The following ATP8B1 variants were observed in gnomAD, a reference collection of about 807,000 sequenced individuals.
The protein encoded by ATP8B1 is ATPase phospholipid transporting 8B1.
ATP8B1 carries 80 observed loss-of-function variants against 149.9 expected under a neutral mutation model. The observed-to-expected ratio is 0.53, with a 90% CI of 0.45 to 0.64. The LOEUF (loss-of-function observed/expected upper bound fraction) is 0.64, where lower values mean the gene tolerates loss of function less well. ATP8B1 is among the 30% of genes least tolerant of loss of function. The pLI is 0.00. For missense variants in ATP8B1, 1,247 were observed against 1,552.6 expected (o/e 0.80, Z 3.31); for synonymous variants, 536 against 562.8 (o/e 0.95, Z 0.67).
chr18:57,744,662 G>C (rs1471886143), intron 1 of ATP8B1, among the ~76,000 whole-genome samples: 1 of 152,208 alleles, frequency 6.6e-6, no homozygotes, highest in Non-Finnish European at 1.5e-5. Context: ...AGGCTTTAAA[G>C]TTATATTCAT....
At chr18:57,688,757 G>A (rs1912385188) in intron 12 of ATP8B1, 1 of 494,986 alleles carries the variant, frequency 2.0e-6, no homozygotes, top group Non-Finnish European at 3.7e-6. Flanking sequence ...CCTTATTAAA[G>A]TGGCTCAAAG....
chr18:57,740,213 C>G (rs1054187149), intron 1 of ATP8B1, among the ~76,000 whole-genome samples: 1 of 152,026 alleles, frequency 6.6e-6, no homozygotes, highest in African/African-American at 2.4e-5. Context: ...GTCTCAGCCT[C>G]CTAAGATGCT....
rs115564481 is a variant in ATP8B1, at chr18:57,660,496, C to T, written c.2707+678G>A. 2.2e-3 allele frequency among the ~76,000 whole-genome samples: 331 copies of T among 152,276 alleles called. 2 individuals are homozygous for T. Among genetic ancestry groups the T allele is most frequent in the African/African-American group, 7.3e-3 (305 of 41,556 alleles). ...GTTCAATAATTTATGTCTTACAAAA[C>T]TTATTAAATATCAGGGTTTTTTGTT... is the stretch of plus-strand genomic sequence containing the variant. On this transcript the variant is annotated intron_variant, in intron 22 of 27. Coordinates refer to ENST00000648908, the MANE Select transcript of ATP8B1 (RefSeq NM_001374385.1).
chr18:57,755,128 ACCAG>A lies in ATP8B1; in HGVS notation c.-25-23300_-25-23297del, dbSNP rs143044452. 4.7e-3 allele frequency among the ~76,000 whole-genome samples: 717 copies of A among 152,320 alleles called. 26 individuals are homozygous for A. The East Asian group carries it at 0.11, about 23-fold the overall frequency. ...ATCTTGCCAATAAGAGACACATTAC[ACCAG>A]CCAGCCTAAAATAGTCTCAGGTTGT... On this transcript the variant is annotated intron_variant, in intron 1 of 27. Transcript: ENST00000648908.
At chr18:57,670,452 C>T (rs559867142) in intron 17 of ATP8B1, among the ~76,000 whole-genome samples, 3 of 149,820 alleles carry the variant, frequency 2.0e-5, no homozygotes, top group Non-Finnish European at 3.0e-5. Context: ...CCCTGGTTCA[C>T]GCCATTCTCC....
intron 2 of ATP8B1, among the ~76,000 whole-genome samples, chr18:57,710,036 G>A (rs1004720692): frequency 6.2e-5 from 9 of 145,192 alleles, no homozygotes; most frequent in African/African-American, 2.3e-4. Context: ...TCACTATGTT[G>A]CCCAGTGCCT....
chr18:57,666,421 A>G (rs988524261), intron 20 of ATP8B1, among the ~76,000 whole-genome samples: 3 of 150,774 alleles, frequency 2.0e-5, no homozygotes, highest in African/African-American at 7.3e-5. Flanking sequence ...CCTTTCTTCT[A>G]TTTCCCTTTC....
chr18:57,772,627 C>T (rs900379031), intron 1 of ATP8B1, among the ~76,000 whole-genome samples: 2 of 151,260 alleles, frequency 1.3e-5, no homozygotes, highest in African/African-American at 4.9e-5. Flanking sequence ...GAGTAAACAA[C>T]ACGTCCCGAC....
intron 1 of ATP8B1, among the ~76,000 whole-genome samples, chr18:57,762,886 C>G (rs1321047372): frequency 6.6e-6 from 1 of 152,094 alleles, no homozygotes; most frequent in Non-Finnish European, 1.5e-5. Context: ...CAGCCTTGAA[C>G]AATCTTTTAA....
At chr18:57,690,665 C>T (rs1373668070) in intron 12 of ATP8B1, among the ~76,000 whole-genome samples, 6 of 152,188 alleles carry the variant, frequency 3.9e-5, no homozygotes, top group Non-Finnish European at 5.9e-5. Flanking sequence ...ACAGTAACTA[C>T]ATGTAATCAA....
chr18:57,683,860 G>A (rs1912101220), intron 15 of ATP8B1, among the ~76,000 whole-genome samples, 176 bp downstream of exon 15: 1 of 152,188 alleles, frequency 6.6e-6, no homozygotes, highest in Non-Finnish European at 1.5e-5. Flanking sequence ...CAAGAAGCTT[G>A]TTTCCTACTT....
chr18:57,770,100 ACT>A (rs2080251884), intron 1 of ATP8B1, among the ~76,000 whole-genome samples: 1 of 136,712 alleles, frequency 7.3e-6, no homozygotes, highest in Non-Finnish European at 1.5e-5. Flanking sequence ...ACAGAGTCTC[ACT>A]CTCTCACTCA....
In ATP8B1 at chr18:57,706,578, C is replaced by A; in HGVS notation, c.191G>T (p.Trp64Leu). ...NREPFRKECTWQVKANDRKYH... is the reference protein window; with the variant it reads ...NREPFRKECTLQVKANDRKYH... Reference sequence around the variant, plus strand: ...CTTGCGATCGTTTGCTTTGACTTGCCATGTACATTCTTTAAAAAAAAGGGA... The same window carrying A: ...CTTGCGATCGTTTGCTTTGACTTGCAATGTACATTCTTTAAAAAAAAGGGA... The change falls in exon 3 of 28, where the codon TGG becomes TTG. Residue 64 changes from tryptophan to leucine, a missense_variant. By Grantham distance (61) the Trp-to-Leu change is moderately conservative. Transcript: ENST00000648908. 6.2e-7 allele frequency: 1 copy of A among 1,613,368 alleles called. No individual in the cohort carries two copies. Among genetic ancestry groups the A allele is most frequent in the Admixed American group, 1.7e-5 (1 of 59,968 alleles).
Position 57,697,803 on chromosome 18 carries a change from A to T in ATP8B1, c.619T>A (p.Phe207Ile). 1 of 1,614,016 alleles carries T rather than the reference A, an allele frequency of 6.2e-7. No homozygotes were observed. The highest frequency in any genetic ancestry group is 8.5e-7 in the Non-Finnish European group (1 of 1,179,974). Reference protein sequence around the residue: ...GDVIRLKKNDFVPADILLLSS... With the variant: ...GDVIRLKKNDIVPADILLLSS... Reference sequence around the variant, plus strand: ...AGAATTTGTTCACTTACTGGAACAAAATCATTTTTTTTCAGACGAATGACG... The same window carrying T: ...AGAATTTGTTCACTTACTGGAACAATATCATTTTTTTTCAGACGAATGACG... The change falls in exon 7 of 28, where the codon TTT becomes ATT. Residue 207 changes from phenylalanine (F) to isoleucine (I), a missense_variant. Transcript: ENST00000648908.
chr18:57,732,099 A>ATATATATGTG (rs1568043839), intron 1 of ATP8B1: 1 of 113,562 alleles, frequency 8.8e-6, no homozygotes, highest in Non-Finnish European at 1.8e-5. Flanking sequence ...ATGTATGTGT[A>ATATATATGTG]TATATATATG....
At chr18:57,763,925 A>G (rs2080181410) in intron 1 of ATP8B1, among the ~76,000 whole-genome samples, 1 of 152,160 alleles carries the variant, frequency 6.6e-6, no homozygotes, top group Admixed American at 6.5e-5. Flanking sequence ...TGACTTTTCC[A>G]ACTTTGAAAA....
intron 1 of ATP8B1, among the ~76,000 whole-genome samples, chr18:57,742,810 C>T (rs1048312369): frequency 1.4e-5 from 2 of 142,260 alleles, no homozygotes; most frequent in African/African-American, 5.4e-5. Context: ...GGTGACAGAG[C>T]AAGACCCCAT....
intron 22 of ATP8B1, among the ~76,000 whole-genome samples, chr18:57,660,757 T>C (rs1910335325): frequency 6.6e-6 from 1 of 152,138 alleles, no homozygotes; most frequent in Non-Finnish European, 1.5e-5. Flanking sequence ...GACCTTGTGA[T>C]CCACCTGCCT....
chr18:57,764,757 CAAAA>C (rs71171091), intron 1 of ATP8B1, among the ~76,000 whole-genome samples: 2,984 of 104,180 alleles, frequency 0.029, 90 homozygotes, highest in African/African-American at 0.089. Flanking sequence ...TTTCAGTTGT[CAAAA>C]AAAAAAAAAA....
Sources: gnomAD v4.1 joint callset for allele counts (sites outside exome capture counted in the v4.1 genomes callset) on GRCh38, gnomAD v4.1.1 for gene constraint, MANE v1.5 for transcripts, NCBI Gene and HGNC (gene_info 2026-07-23, HGNC 2026-07-21) for gene names.